Variants in CAPN14 observed in about 807,000 individuals in gnomAD.
The protein encoded by CAPN14 is calpain 14.
CAPN14 carries 94 observed loss-of-function variants against 101.3 expected under a neutral mutation model. The observed-to-expected ratio is 0.93, with a 90% CI of 0.79 to 1.10. The LOEUF (loss-of-function observed/expected upper bound fraction) is 1.10. CAPN14 is among the 50% of genes least tolerant of loss of function. The pLI is 0.00. For synonymous variants in CAPN14, 338 were observed against 317.9 expected (o/e 1.06, Z -0.67); for missense variants, 837 against 828.4 (o/e 1.01, Z -0.13).
At chr2:31,187,704 G>T in intron 15 of CAPN14, 54 bp downstream of exon 15, 2 of 1,434,180 alleles carry the variant, frequency 1.4e-6, no homozygotes, top group African/African-American at 1.4e-5. Flanking sequence ...AAAATGAGAA[G>T]CTCCACTTCG....
chr2:31,206,818 C>A (rs1425291894), intron 1 of CAPN14, among the ~76,000 whole-genome samples: 1 of 152,170 alleles, frequency 6.6e-6, no homozygotes, highest in Admixed American at 6.5e-5. Flanking sequence ...ATTAGCCTCC[C>A]CATTTTTCAG....
chr2:31,208,990 G>A (rs1682250648), intron 1 of CAPN14, among the ~76,000 whole-genome samples: 1 of 152,052 alleles, frequency 6.6e-6, no homozygotes, highest in Non-Finnish European at 1.5e-5. Context: ...TTTTATTAGA[G>A]ACAGGGTCTC....
rs1001903205 is a variant in CAPN14, at chr2:31,186,325, G to A, written c.1645+103C>T. The A allele has an allele frequency of 1.3e-5, 9 of 710,032 alleles. No individual in the cohort carries two copies. The East Asian group carries it at 2.5e-4, about 20-fold the overall frequency. 44.0% of individuals were successfully genotyped at this position (710,032 alleles called of 1,614,324 possible). ...AAATATAGCCAGAGTTGAGACCAGT[G>A]CTCAGTAATTCACACATCCCACCAA... On this transcript the variant is annotated intron_variant, in intron 16 of 21. Coordinates refer to ENST00000403897, the MANE Select transcript of CAPN14 (RefSeq NM_001145122.2).
intron 8 of CAPN14, among the ~76,000 whole-genome samples, chr2:31,196,405 T>G (rs547084319): frequency 6.6e-6 from 1 of 152,378 alleles, no homozygotes; most frequent in African/African-American, 2.4e-5. Context: ...GGATGACATC[T>G]TCCCACATAG....
At chr2:31,179,857 G>A (rs1332435505) in intron 17 of CAPN14, among the ~76,000 whole-genome samples, 2 of 152,158 alleles carry the variant, frequency 1.3e-5, no homozygotes, top group South Asian at 4.1e-4. Context: ...CTGCATAAAT[G>A]TCTTCTTTTG....
At chr2:31,187,650 A>C in intron 15 of CAPN14, 108 bp downstream of exon 15, 1 of 944,092 alleles carries the variant, frequency 1.1e-6, no homozygotes, top group South Asian at 1.8e-5. Flanking sequence ...GCCTTAAATC[A>C]CAGTTTCTAA....
intron 1 of CAPN14, 66 bp from the exon 2 acceptor site, chr2:31,205,565 C>T (rs1374346041): frequency 2.5e-5 from 20 of 814,606 alleles, no homozygotes; most frequent in South Asian, 1.1e-4. Context: ...GCCACAGAGA[C>T]GAGGGGAAGG....
chr2:31,201,761 A>C, intron 5 of CAPN14, 101 bp downstream of exon 5: 126 of 1,356,648 alleles, frequency 9.3e-5, no homozygotes, highest in Non-Finnish European at 1.2e-4. Flanking sequence ...ATGCCTCAGG[A>C]TCTCATTTCA....
intron 20 of CAPN14, 106 bp from the exon 21 acceptor site, chr2:31,176,748 T>G: frequency 9.4e-7 from 1 of 1,069,164 alleles, no homozygotes; most frequent in South Asian, 1.4e-5. Context: ...TCTGAAAACG[T>G]GAGGGAACCC....
intron 13 of CAPN14, 37 bp from the exon 14 acceptor site, chr2:31,188,391 C>G (rs376225322): frequency 1.2e-4 from 186 of 1,549,496 alleles, no homozygotes; most frequent in Non-Finnish European, 1.5e-4. Flanking sequence ...TCAGAGTTTC[C>G]TCTTGGGAAT....
intron 7 of CAPN14, 103 bp downstream of exon 7, chr2:31,199,367 C>T (rs934640541): frequency 6.1e-6 from 6 of 991,090 alleles, no homozygotes; most frequent in Middle Eastern, 4.3e-4. Context: ...AGACTTTACC[C>T]ACTCTCCAGA....
At chr2:31,222,745 A>G (rs776062723) in intron 2 of CAPN14, among the ~76,000 whole-genome samples, 1 of 152,174 alleles carries the variant, frequency 6.6e-6, no homozygotes, top group Non-Finnish European at 1.5e-5. Context: ...AGGATATCCA[A>G]GTGAAAGTGT....
chr2:31,186,439 A>G lies in CAPN14; in HGVS notation c.1634T>C (p.Met545Thr), dbSNP rs1010258544. Residue 545 changes from methionine (M) to threonine (T), a missense_variant, in exon 16 of 22, where the codon ATG becomes ACG. Met to Thr is a moderately conservative substitution (Grantham distance 81). Transcript: ENST00000403897. ...TCTAAAACACTTACTTGACCAGGTC[A>G]TCTGGTTCAGGAGGTTCTGAAGTTG... is the stretch of plus-strand genomic sequence containing the variant. ...AVQLQNLLNQ[M>T]TWSSLGSRQP... The G allele has an allele frequency of 2.0e-5, 31 of 1,549,226 alleles. No homozygotes were observed. Among genetic ancestry groups the G allele is most frequent in the Admixed American group, 2.0e-4 (10 of 50,446 alleles).
chr2:31,189,528 G>C, intron 12 of CAPN14, 50 bp from the exon 13 acceptor site: 1 of 1,467,356 alleles, frequency 6.8e-7, no homozygotes, highest in Non-Finnish European at 9.3e-7. Context: ...ACCCAGGGCT[G>C]TGGCCAGGCC....
intron 16 of CAPN14, among the ~76,000 whole-genome samples, chr2:31,181,410 C>T (rs908860150): frequency 2.1e-5 from 3 of 140,014 alleles, no homozygotes; most frequent in East Asian, 4.2e-4. Flanking sequence ...TTCTTTCTTT[C>T]TTTCTTTCTT....
intron 16 of CAPN14, among the ~76,000 whole-genome samples, chr2:31,185,430 C>T (rs1333347660): frequency 6.6e-6 from 1 of 152,178 alleles, no homozygotes; most frequent in Non-Finnish European, 1.5e-5. Context: ...CTGATTTATC[C>T]ATCTAGAACC....
intron 10 of CAPN14, 132 bp downstream of exon 10, chr2:31,192,999 C>T (rs1681271961): frequency 1.1e-6 from 1 of 908,078 alleles, no homozygotes; most frequent in South Asian, 1.7e-5. Flanking sequence ...GGCCCCAACA[C>T]ACAGTGAGGC....
intron 3 of CAPN14, among the ~76,000 whole-genome samples, chr2:31,202,640 T>C (rs1558627443): frequency 2.0e-5 from 3 of 152,178 alleles, no homozygotes; most frequent in Admixed American, 6.5e-5. Context: ...GAAATGGGTA[T>C]CACTGGACTT....
At chr2:31,182,081 C>G (rs1424654261) in intron 16 of CAPN14, among the ~76,000 whole-genome samples, 1 of 152,110 alleles carries the variant, frequency 6.6e-6, no homozygotes. Context: ...AGTTCTAGAT[C>G]CCCGAGGATT....
Sources: gnomAD v4.1 joint callset for allele counts (sites outside exome capture counted in the v4.1 genomes callset) on GRCh38, gnomAD v4.1.1 for gene constraint, MANE v1.5 for transcripts, NCBI Gene and HGNC (gene_info 2026-07-23, HGNC 2026-07-21) for gene names.